KCTD1: variants seen among roughly 807,000 people sequenced by gnomAD.
KCTD1 encodes the protein potassium channel tetramerization domain containing 1, also known as BTB/POZ domain-containing protein KCTD1.
In KCTD1, 24 loss-of-function variants were observed where a neutral mutation model predicts 66.0. The observed-to-expected ratio is 0.36, with a 90% CI of 0.26 to 0.51. The LOEUF (loss-of-function observed/expected upper bound fraction) is 0.51, where lower values mean the gene tolerates loss of function less well. Ranked by LOEUF, KCTD1 falls within the 20% of genes least tolerant of loss-of-function variation. KCTD1 has a pLI of 0.95. For missense variants in KCTD1, 943 were observed against 1,205.2 expected (o/e 0.78, Z 3.22); for synonymous variants, 511 against 517.2 (o/e 0.99, Z 0.16).
intron 1 of KCTD1, among the ~76,000 whole-genome samples, chr18:26,596,434 A>G (rs1986767987): frequency 6.6e-6 from 1 of 152,176 alleles, no homozygotes; most frequent in African/African-American, 2.4e-5. Context: ...AAGAAAATAA[A>G]TTTCTGTTGT....
chr18:26,571,921 G>A (rs1381883982), intron 1 of KCTD1, among the ~76,000 whole-genome samples: 3 of 152,042 alleles, frequency 2.0e-5, no homozygotes, highest in Admixed American at 6.6e-5. Flanking sequence ...AAGTCAAGAA[G>A]AACAAATTAA....
intron 3 of KCTD1, among the ~76,000 whole-genome samples, chr18:26,473,086 T>A (rs1399939685): frequency 6.6e-6 from 1 of 152,126 alleles, no homozygotes; most frequent in East Asian, 1.9e-4. Context: ...CCCAAATTAA[T>A]AAAGTAGCAT....
intron 1 of KCTD1, among the ~76,000 whole-genome samples, chr18:26,613,834 C>T (rs779428357): frequency 2.6e-5 from 4 of 152,168 alleles, no homozygotes; most frequent in African/African-American, 9.7e-5. Flanking sequence ...GTCCCTATAT[C>T]GGGGCCTTTG....
At chr18:26,518,164 C>T (rs1000533009) in intron 1 of KCTD1, among the ~76,000 whole-genome samples, 8 of 152,180 alleles carry the variant, frequency 5.3e-5, no homozygotes, top group African/African-American at 1.9e-4. Context: ...GTGGGTGCAT[C>T]GTAGCTCCCC....
intron 1 of KCTD1, among the ~76,000 whole-genome samples, chr18:26,528,352 C>T (rs1984271617): frequency 6.6e-6 from 1 of 152,040 alleles, no homozygotes; most frequent in African/African-American, 2.4e-5. Flanking sequence ...AACAGCTGAA[C>T]GTGGGTCAAT....
chr18:26,599,335 C>T (rs542134282), intron 1 of KCTD1: 42 of 1,396,012 alleles, frequency 3.0e-5, no homozygotes, highest in South Asian at 2.5e-4. Flanking sequence ...AAGCCGGGAG[C>T]GAGCCCAGGT....
intron 1 of KCTD1, among the ~76,000 whole-genome samples, chr18:26,570,189 A>ATATATATAT (rs1481620480): frequency 3.4e-5 from 3 of 88,770 alleles, no homozygotes; most frequent in Non-Finnish European, 2.8e-5. Context: ...CCATCTAAAA[A>ATATATATAT]AAATATATAT....
chr18:26,607,923 A>G (rs1211021392), intron 1 of KCTD1, among the ~76,000 whole-genome samples: 1 of 152,084 alleles, frequency 6.6e-6, no homozygotes, highest in African/African-American at 2.4e-5. Context: ...GTGCACCACC[A>G]TACCTGGCTA....
intron 1 of KCTD1, among the ~76,000 whole-genome samples, chr18:26,586,848 T>C (rs1482324512): frequency 6.6e-6 from 1 of 152,188 alleles, no homozygotes; most frequent in African/African-American, 2.4e-5. Context: ...GTGAGGTAGC[T>C]GTAGAAGAAA....
chr18:26,473,245 G>C (rs910139194), intron 3 of KCTD1, among the ~76,000 whole-genome samples: 1 of 152,128 alleles, frequency 6.6e-6, no homozygotes, highest in African/African-American at 2.4e-5. Flanking sequence ...AAAGGAATGA[G>C]ATCATGTCCT....
intron 1 of KCTD1, among the ~76,000 whole-genome samples, chr18:26,595,164 GATGA>G (rs1986737908): frequency 6.6e-6 from 1 of 152,156 alleles, no homozygotes; most frequent in Admixed American, 6.5e-5. Flanking sequence ...TTTAGGGCTT[GATGA>G]ATGATTTCAG....
intron 3 of KCTD1, among the ~76,000 whole-genome samples, chr18:26,473,602 A>G (rs1258263610): frequency 6.7e-6 from 1 of 149,872 alleles, no homozygotes; most frequent in Non-Finnish European, 1.5e-5. Flanking sequence ...AATAGTAAAA[A>G]AGAAATCACT....
chr18:26,459,493 T>C (rs12457188), intron 4 of KCTD1, 127 bp downstream of exon 4: 23,089 of 857,460 alleles, frequency 0.027, 390 homozygotes, highest in Middle Eastern at 0.068. Flanking sequence ...ATAATTCACC[T>C]ACCCAACAGA....
At chr18:26,629,721 C>A (rs528702644), upstream of KCTD1, among the ~76,000 whole-genome samples, 1 of 101,128 alleles carries the variant, frequency 9.9e-6, no homozygotes, top group Non-Finnish European at 1.8e-5. Flanking sequence ...TTGACCCCCC[C>A]GCCTTTTTTT....
intron 1 of KCTD1, among the ~76,000 whole-genome samples, chr18:26,576,763 AC>A (rs1349593916): frequency 2.0e-5 from 3 of 152,250 alleles, no homozygotes; most frequent in African/African-American, 7.2e-5. Context: ...AATATATAAC[AC>A]ATTCTTATTA....
At chr18:26,657,350 C>T (rs1420991283) in intron 1 of KCTD1, 1 of 985,382 alleles carries the variant, frequency 1.0e-6, no homozygotes, top group Non-Finnish European at 1.2e-6. Flanking sequence ...CCCAAACCGT[C>T]AGATCTTACC....
At chr18:26,621,517 G>C (rs1249409764) in intron 1 of KCTD1, among the ~76,000 whole-genome samples, 1 of 151,992 alleles carries the variant, frequency 6.6e-6, no homozygotes, top group Non-Finnish European at 1.5e-5. Context: ...GACAAGCAGG[G>C]GCGACACTGG....
intron 1 of KCTD1, among the ~76,000 whole-genome samples, chr18:26,511,340 G>C (rs1386030592): frequency 6.6e-6 from 1 of 152,154 alleles, no homozygotes; most frequent in Non-Finnish European, 1.5e-5. Context: ...GAAAGACAGG[G>C]GCAGTCGCCT....
At chr18:26,464,811 T>C (rs967895531) in intron 3 of KCTD1, among the ~76,000 whole-genome samples, 2 of 152,156 alleles carry the variant, frequency 1.3e-5, no homozygotes, top group African/African-American at 2.4e-5. Context: ...GGTGGTTCCC[T>C]AGCAGGCAGG....
Sources: allele counts gnomAD v4.1 joint callset (sites outside exome capture counted in the v4.1 genomes callset), GRCh38; gene constraint gnomAD v4.1.1; transcripts MANE v1.5; gene names NCBI Gene and HGNC (gene_info 2026-07-23, HGNC 2026-07-21).